Variants in ZNF496 observed in about 807,000 individuals in gnomAD.
ZNF496 encodes the protein zinc finger protein 496.
Under a neutral mutation model 58.9 loss-of-function variants are expected in ZNF496, and 11 were observed. The ratio of observed to expected loss-of-function variants is 0.19; its 90% CI spans 0.12 to 0.31. The LOEUF is 0.31. Among genes scored for constraint, ZNF496 ranks in the 10% least tolerant of loss-of-function variants. The probability of loss-of-function intolerance (pLI) is 1.00; values close to 1 mark genes in which losing one functional copy is unlikely to be tolerated. For missense variants in ZNF496, 660 were observed against 783.0 expected (o/e 0.84, Z 1.88); for synonymous variants, 338 against 318.2 (o/e 1.06, Z -0.66).
At chr1:247,323,557 TCAC>T (rs1287127397) in intron 5 of ZNF496, among the ~76,000 whole-genome samples, 2 of 152,098 alleles carry the variant, frequency 1.3e-5, no homozygotes, top group Non-Finnish European at 2.9e-5. Context: ...ATGAACTCTT[TCAC>T]CTCGGGTAGG....
At chr1:247,316,751 T>C (rs549089301) in intron 6 of ZNF496, among the ~76,000 whole-genome samples, 1 of 152,076 alleles carries the variant, frequency 6.6e-6, no homozygotes, top group South Asian at 2.1e-4. Context: ...GCCAGGTGGG[T>C]GGACAGACAG....
At position 247,300,289 on chromosome 1, in the gene ZNF496, C is replaced by T. The variant is rs898549788; in HGVS notation, c.*230G>A. The T allele has an allele frequency of 4.5e-6, 2 of 445,764 alleles. No individual in the cohort carries two copies. The highest frequency in any genetic ancestry group is 3.9e-5 in the African/African-American group (2 of 51,020). 27.6% of individuals were successfully genotyped at this position (445,764 alleles called of 1,614,324 possible). On this transcript the variant is annotated 3_prime_UTR_variant, in exon 10 of 10. Coordinates refer to ENST00000682384, the MANE Select transcript of ZNF496 (RefSeq NM_032752.3). This position sits in a 1 kb window ranked among gnomAD's most constrained non-coding sequence, Gnocchi z 5.7. The stretch of plus-strand genomic sequence containing the variant: ...TCCAACCTGGTGATGGCACATCCCC[C>T]CCGTTTTTTGGCACAGCAGAAACAG...
intron 2 of ZNF496, 70 bp from the exon 3 acceptor site, chr1:247,330,151 G>A (rs1660271749): frequency 6.6e-6 from 1 of 152,304 alleles, no homozygotes; most frequent in African/African-American, 2.4e-5. Flanking sequence ...CACCCTTCTG[G>A]TGGCAGAGGG....
At position 247,309,631 on chromosome 1, in the gene ZNF496, G is replaced by C; in HGVS notation, c.892+68C>G. ...GGCCGCAGAGAGAAGCCAGAGAGTGGGCTCACCTCCGGCTGCCAGCAACCC... is the reference window on the plus strand; with the variant it reads ...GGCCGCAGAGAGAAGCCAGAGAGTGCGCTCACCTCCGGCTGCCAGCAACCC... On this transcript the variant is annotated intron_variant, in intron 8 of 9. Transcript: ENST00000682384. The surrounding 1 kb of genome is among the most constrained non-coding windows in gnomAD (Gnocchi z 4.3). 1 of 1,593,094 alleles carries C rather than the reference G, an allele frequency of 6.3e-7. No individual in the cohort carries two copies. Among genetic ancestry groups the C allele is most frequent in the Non-Finnish European group, 8.6e-7 (1 of 1,168,304 alleles).
Position 247,329,082 on chromosome 1 carries a change from A to C in ZNF496, c.390+107T>G, listed in dbSNP as rs980931028. Reference sequence around the variant, plus strand: ...TCTAGTCTGGACCTAACCAAAGTAAATGGCTCTCGATGGAACTCCTCATTC... The same window carrying C: ...TCTAGTCTGGACCTAACCAAAGTAACTGGCTCTCGATGGAACTCCTCATTC... On this transcript the variant is annotated intron_variant, in intron 4 of 9. Transcript: ENST00000682384. The surrounding 1 kb of genome is among the most constrained non-coding windows in gnomAD (Gnocchi z 5.5). 2.6e-6 allele frequency: 4 copies of C among 1,553,306 alleles called. No homozygotes were observed. The highest frequency in any genetic ancestry group is 3.5e-6 in the Non-Finnish European group (4 of 1,138,554).
At position 247,300,557 on chromosome 1, in the gene ZNF496, T is replaced by C; in HGVS notation, c.1726A>G (p.Met576Val). The C allele has an allele frequency of 1.9e-6, 3 of 1,612,366 alleles. No homozygotes were observed. Among genetic ancestry groups the C allele is most frequent in the Non-Finnish European group, 2.5e-6 (3 of 1,178,682 alleles). Reference sequence around the variant, plus strand: ...AGAGCCTGCTTGGAACGGCGCTTCATGTGCAGGCGCTCGTGGCGGAGGAGG... The same window carrying C: ...AGAGCCTGCTTGGAACGGCGCTTCACGTGCAGGCGCTCGTGGCGGAGGAGG... Reference protein sequence around the residue: ...YDLLRHERLHMKRRSKQALNS... With the variant: ...YDLLRHERLHVKRRSKQALNS... Residue 576 changes from methionine to valine, a missense_variant, in exon 10 of 10, where the codon ATG becomes GTG. Met to Val is a conservative substitution (Grantham distance 21, BLOSUM62 1). Transcript: ENST00000682384. The surrounding 1 kb of genome is among the most constrained non-coding windows in gnomAD (Gnocchi z 5.7).
chr1:247,320,307 G>A (rs1659919400), intron 6 of ZNF496, among the ~76,000 whole-genome samples: 1 of 152,168 alleles, frequency 6.6e-6, no homozygotes, highest in Admixed American at 6.5e-5. Context: ...GAAAAGCAAT[G>A]GAATAGTAAC....
In ZNF496 at chr1:247,300,764, T is replaced by C. The variant is rs1659211899; in HGVS notation, c.1519A>G (p.Lys507Glu). ...TTTTCCAGCGGCTCTTTGGGACCCTTGTCCGCGTCCTCGGATGCCGCCTGC... is the reference window on the plus strand; with the variant it reads ...TTTTCCAGCGGCTCTTTGGGACCCTCGTCCGCGTCCTCGGATGCCGCCTGC... ...REQAASEDAD[K>E]GPKEPLENGK... The change falls in exon 10 of 10, where the codon AAG becomes GAG. Residue 507 changes from lysine to glutamate, a missense_variant. Transcript: ENST00000682384. This position sits in a 1 kb window ranked among gnomAD's most constrained non-coding sequence, Gnocchi z 5.7. 1.2e-6 allele frequency: 2 copies of C among 1,606,824 alleles called. No individual in the cohort carries two copies. The highest frequency in any genetic ancestry group is 1.7e-6 in the Non-Finnish European group (2 of 1,174,492).
chr1:247,303,957 C>G (rs1268288590), intron 9 of ZNF496: 2 of 280,396 alleles, frequency 7.1e-6, no homozygotes, highest in Non-Finnish European at 1.4e-5. Context: ...CCAGGAAGGT[C>G]TATGGAGGAC....
chr1:247,326,724 G>C (rs1412179319), intron 5 of ZNF496, among the ~76,000 whole-genome samples: 1 of 152,168 alleles, frequency 6.6e-6, no homozygotes, highest in South Asian at 2.1e-4. Flanking sequence ...AGTATTTGGA[G>C]ATAGGGTCTT....
intron 5 of ZNF496, among the ~76,000 whole-genome samples, chr1:247,326,566 C>T (rs1242640316): frequency 1.3e-5 from 2 of 152,176 alleles, no homozygotes; most frequent in African/African-American, 4.8e-5. Flanking sequence ...CTCACAGCCC[C>T]CCACTTCCTG....
At chr1:247,322,555 G>A (rs1659995032) in intron 6 of ZNF496, 1 of 376,878 alleles carries the variant, frequency 2.7e-6, no homozygotes, top group African/African-American at 2.2e-5. Context: ...GCCAAAGACA[G>A]CAACTGGGCT....
At chr1:247,307,918 G>A in intron 9 of ZNF496, 1 of 985,386 alleles carries the variant, frequency 1.0e-6, no homozygotes, top group Non-Finnish European at 1.2e-6. Flanking sequence ...TTCTCTGAAA[G>A]CAGGAATGGA....
rs1558159650 is a variant in ZNF496, at chr1:247,329,329, G to T, written c.250C>A (p.Leu84Met). 1 of 1,613,544 alleles carries T rather than the reference G, an allele frequency of 6.2e-7. No individual in the cohort carries two copies. ...GCCAGGAACTGCTCCAGCACCAGCA[G>T]CTCCAGAATCTGCTCCTTGGTGTGC... ...ERHTKEQILE[L>M]LVLEQFLAIL... is the part of the protein sequence containing the mutation. The change falls in exon 4 of 10, where the codon CTG becomes ATG. Residue 84 changes from leucine (L) to methionine (M), a missense_variant. Physicochemically the swap from Leu to Met is conservative, Grantham distance 15. Coordinates refer to ENST00000682384, the MANE Select transcript of ZNF496 (RefSeq NM_032752.3). The surrounding 1 kb of genome is among the most constrained non-coding windows in gnomAD (Gnocchi z 5.5).
chr1:247,328,564 G>T, intron 5 of ZNF496, 119 bp downstream of exon 5: 1 of 1,090,882 alleles, frequency 9.2e-7, no homozygotes, highest in South Asian at 2.0e-5. Flanking sequence ...CAGCACCTCG[G>T]GGACACGAGA....
chr1:247,328,906 G>A (rs1323514335), intron 4 of ZNF496, 40 bp from the exon 5 acceptor site: 1 of 1,549,862 alleles, frequency 6.5e-7, no homozygotes, highest in Non-Finnish European at 8.7e-7. Context: ...TAGGGGAAGA[G>A]GTCCCATCTC....
chr1:247,303,066 A>G (rs1295238441), intron 9 of ZNF496, among the ~76,000 whole-genome samples: 10 of 152,212 alleles, frequency 6.6e-5, no homozygotes, highest in Admixed American at 5.2e-4. Context: ...CCTAACCCAT[A>G]GAGCCTCAGA....
intron 9 of ZNF496, chr1:247,307,545 G>A (rs1040729401): frequency 6.1e-6 from 6 of 985,266 alleles, no homozygotes; most frequent in Admixed American, 6.1e-5. Flanking sequence ...CTCTTGGCAC[G>A]CAGAGGTGGG....
At chr1:247,312,030 A>C (rs891755870) in intron 6 of ZNF496, 4 of 152,216 alleles carry the variant, frequency 2.6e-5, no homozygotes, top group Non-Finnish European at 5.9e-5. Flanking sequence ...TCCTAGCCTC[A>C]GTTTCAATGG....
Sources: gnomAD v4.1 joint callset for allele counts (sites outside exome capture counted in the v4.1 genomes callset) on GRCh38, gnomAD v4.1.1 for gene constraint, Gnocchi (gnomAD v3.1) non-coding constraint, MANE v1.5 for transcripts, NCBI Gene and HGNC (gene_info 2026-07-23, HGNC 2026-07-21) for gene names.